The following PID1 variants were observed in gnomAD, a reference collection of about 807,000 sequenced individuals.
PID1 encodes the protein PTB-containing, cubilin and LRP1-interacting protein.
A neutral mutation model predicts 19.1 loss-of-function variants in PID1; 10 were observed. The observed-to-expected ratio is 0.52, with a 90% CI of 0.32 to 0.89. PID1 has a LOEUF of 0.89. PID1 is among the 40% of genes least tolerant of loss of function. PID1 has a pLI of 0.03. For missense variants in PID1, 248 were observed against 285.3 expected, an observed-to-expected ratio of 0.87 and a Z score of 0.94; for synonymous variants, 130 against 116.0, an observed-to-expected ratio of 1.12 and a Z score of -0.78.
At chr2:229,052,738 A>G (rs1401728830) in intron 2 of PID1, among the ~76,000 whole-genome samples, 1 of 152,104 alleles carries the variant, frequency 6.6e-6, no homozygotes, top group Admixed American at 6.5e-5. Context: ...CCTGAAAACT[A>G]CTGGAGGCAA....
chr2:229,268,984 A>G (rs1263086509), intron 1 of PID1, among the ~76,000 whole-genome samples: 1 of 150,796 alleles, frequency 6.6e-6, no homozygotes, highest in African/African-American at 2.4e-5. Context: ...TTTCAAGGAG[A>G]GTCAAGCAAT....
intron 1 of PID1, among the ~76,000 whole-genome samples, chr2:229,252,930 C>T: frequency 6.6e-6 from 1 of 152,134 alleles, no homozygotes; most frequent in East Asian, 1.9e-4. Context: ...TAACTAATGC[C>T]AGATGAACTT....
At chr2:229,040,252 C>T (rs542263182) in intron 2 of PID1, among the ~76,000 whole-genome samples, 66 of 152,022 alleles carry the variant, frequency 4.3e-4, no homozygotes, top group Non-Finnish European at 9.0e-4. Context: ...AAGCCCATCT[C>T]TACTAAAAAT....
chr2:229,078,082 A>G (rs950375105), intron 2 of PID1, among the ~76,000 whole-genome samples: 1 of 152,186 alleles, frequency 6.6e-6, no homozygotes, highest in Non-Finnish European at 1.5e-5. Context: ...GTCCTTGAGC[A>G]GTGGTTTGTA....
intron 1 of PID1, among the ~76,000 whole-genome samples, chr2:229,228,522 TA>T (rs1409743998): frequency 1.3e-5 from 2 of 152,240 alleles, no homozygotes. Context: ...TTACATTTTT[TA>T]AAAGCATGGT....
intron 1 of PID1, chr2:229,245,150 C>T (rs998176171): frequency 6.6e-6 from 1 of 151,998 alleles, no homozygotes; most frequent in African/African-American, 2.4e-5. Context: ...TCTTAAAAGC[C>T]CACCTGTTGT....
intron 2 of PID1, among the ~76,000 whole-genome samples, chr2:229,153,515 G>C (rs567478132): frequency 7.9e-5 from 12 of 152,258 alleles, no homozygotes; most frequent in African/African-American, 2.9e-4. Flanking sequence ...GATTTCCTTT[G>C]TCTAGCTAGC....
intron 1 of PID1, among the ~76,000 whole-genome samples, chr2:229,179,154 C>T (rs1690887392): frequency 6.6e-6 from 1 of 152,118 alleles, no homozygotes; most frequent in Non-Finnish European, 1.5e-5. Context: ...TCTGTGTCTC[C>T]TCATACTGAG....
chr2:229,108,666 A>G (rs1370049515), intron 2 of PID1, among the ~76,000 whole-genome samples: 1 of 152,218 alleles, frequency 6.6e-6, no homozygotes, highest in Non-Finnish European at 1.5e-5. Context: ...GAGGTGTGAA[A>G]GAATCTGGGA....
intron 1 of PID1, among the ~76,000 whole-genome samples, chr2:229,208,100 C>T (rs886427803): frequency 6.6e-6 from 1 of 152,132 alleles, no homozygotes; most frequent in East Asian, 1.9e-4. Flanking sequence ...TTTTCCCAGG[C>T]CTCTGGGTTG....
intron 1 of PID1, 51 bp from the exon 2 acceptor site, chr2:229,156,015 T>A (rs558606723): frequency 1.3e-6 from 2 of 1,552,878 alleles, no homozygotes; most frequent in East Asian, 2.2e-5. Flanking sequence ...TGGACTTTTA[T>A]GTCCTGCAAT....
intron 2 of PID1, among the ~76,000 whole-genome samples, chr2:229,039,529 G>C (rs1426194156): frequency 1.3e-5 from 2 of 152,066 alleles, no homozygotes; most frequent in Admixed American, 6.6e-5. Flanking sequence ...TTTAAACTTA[G>C]AACAAAAATA....
intron 1 of PID1, among the ~76,000 whole-genome samples, chr2:229,175,253 C>T (rs1430956344): frequency 6.6e-6 from 1 of 152,128 alleles, no homozygotes; most frequent in Non-Finnish European, 1.5e-5. Flanking sequence ...GCTACTAAAT[C>T]ACACACACGG....
intron 1 of PID1, among the ~76,000 whole-genome samples, chr2:229,173,922 T>C (rs979582368): frequency 6.6e-6 from 1 of 152,094 alleles, no homozygotes; most frequent in Non-Finnish European, 1.5e-5. Flanking sequence ...GGAGGGGTGG[T>C]TGTTTCCATT....
At chr2:229,192,009 T>C (rs563296731) in intron 1 of PID1, among the ~76,000 whole-genome samples, 2 of 152,296 alleles carry the variant, frequency 1.3e-5, no homozygotes, top group South Asian at 4.1e-4. Flanking sequence ...TATTCCTTCC[T>C]TCCTTCCTTC....
chr2:229,119,496 T>C (rs1451286245), intron 2 of PID1, among the ~76,000 whole-genome samples: 6 of 152,202 alleles, frequency 3.9e-5, no homozygotes, highest in Non-Finnish European at 1.5e-5. Context: ...CTGTTCTTTA[T>C]TTAAAGCCAT....
intron 1 of PID1, among the ~76,000 whole-genome samples, chr2:229,215,925 T>TAATCAA (rs1017810738): frequency 2.6e-5 from 4 of 152,306 alleles, no homozygotes; most frequent in East Asian, 1.9e-4. Context: ...TTTAAAAATA[T>TAATCAA]AATCAAAATC....
chr2:229,060,895 C>T (rs955165606), intron 2 of PID1, among the ~76,000 whole-genome samples: 1 of 151,954 alleles, frequency 6.6e-6, no homozygotes, highest in African/African-American at 2.4e-5. Context: ...ATCTGTTGGC[C>T]ATTTGTATGT....
At chr2:229,225,228 T>C (rs1253970536) in intron 1 of PID1, among the ~76,000 whole-genome samples, 1 of 152,122 alleles carries the variant, frequency 6.6e-6, no homozygotes, top group Non-Finnish European at 1.5e-5. Context: ...GTCTTCTCAT[T>C]AGTAAAATGG....
Sources: gnomAD v4.1 joint callset for allele counts (sites outside exome capture counted in the v4.1 genomes callset) on GRCh38, gnomAD v4.1.1 for gene constraint, MANE v1.5 for transcripts, NCBI Gene and HGNC (gene_info 2026-07-23, HGNC 2026-07-21) for gene names.